The following LRP1B variants were observed in gnomAD, a reference collection of about 807,000 sequenced individuals.
LRP1B encodes LDL receptor related protein 1B, also known as low-density lipoprotein receptor-related protein 1B.
LRP1B carries 217 observed loss-of-function variants against 556.6 expected under a neutral mutation model. That is an observed-to-expected ratio of 0.39 (90% confidence interval 0.35 to 0.44). The LOEUF is 0.44. LRP1B is among the 20% of genes least tolerant of loss of function. The pLI is 1.00. For synonymous variants in LRP1B, 2,047 were observed against 1,865.8 expected (o/e 1.10, Z -2.50); for missense variants, 5,053 against 5,620.8 (o/e 0.90, Z 3.23).
At position 140,373,335 on chromosome 2, in the gene LRP1B, A is replaced by G. The variant is rs79244092; in HGVS notation, c.10639-198T>C. On this transcript the variant is annotated intron_variant, in intron 68 of 90. Coordinates refer to ENST00000389484, the MANE Select transcript of LRP1B (RefSeq NM_018557.3). ...AAATGTTTACAAACCGAAAGACTAG[A>G]CAACTTATGCATAGAAACCCAGAAG... Among the ~76,000 whole-genome samples the G allele has an allele frequency of 3.1e-3, 471 of 152,304 alleles. 5 individuals are homozygous for G. Among genetic ancestry groups the G allele is most frequent in the Non-Finnish European group, 5.6e-3 (380 of 68,020 alleles).
intron 1 of LRP1B, among the ~76,000 whole-genome samples, chr2:142,097,575 A>G (rs1424075246): frequency 6.6e-6 from 1 of 151,620 alleles, no homozygotes; most frequent in Non-Finnish European, 1.5e-5. Context: ...TGTACAGCTA[A>G]ATAGATCTCC....
chr2:141,674,330 C>T (rs1376897130), intron 2 of LRP1B, among the ~76,000 whole-genome samples: 2 of 151,946 alleles, frequency 1.3e-5, no homozygotes, highest in Non-Finnish European at 2.9e-5. Context: ...TGCCTGTTGA[C>T]CAATACTGAT....
At chr2:140,642,716 C>T (rs1449250960) in intron 41 of LRP1B, among the ~76,000 whole-genome samples, 1 of 152,116 alleles carries the variant, frequency 6.6e-6, no homozygotes, top group Non-Finnish European at 1.5e-5. Flanking sequence ...TGGTGGCGGG[C>T]GCCTGTAGTC....
chr2:141,944,952 A>C (rs1700911324), intron 1 of LRP1B, among the ~76,000 whole-genome samples: 1 of 152,288 alleles, frequency 6.6e-6, no homozygotes, highest in South Asian at 2.1e-4. Flanking sequence ...TAAATCTTTG[A>C]AAAATATGTT....
At chr2:141,235,879 TGTA>T (rs1683632672) in intron 5 of LRP1B, among the ~76,000 whole-genome samples, 1 of 152,170 alleles carries the variant, frequency 6.6e-6, no homozygotes. Context: ...TATAGAGTTT[TGTA>T]GTAGCTGACA....
intron 1 of LRP1B, among the ~76,000 whole-genome samples, chr2:142,021,464 C>A (rs1703328949): frequency 6.6e-6 from 1 of 151,974 alleles, no homozygotes; most frequent in African/African-American, 2.4e-5. Flanking sequence ...ATTTTTCACA[C>A]TTGTTTTAGT....
rs148653480 is a variant in LRP1B at position 141,229,296 on chromosome 2, A to T, written c.737T>A (p.Met246Lys). 7.4e-6 allele frequency: 12 copies of T among 1,612,654 alleles called. No homozygotes were observed. The South Asian group carries it at 1.3e-4, about 18-fold the overall frequency. The change falls in exon 6 of 91, where the codon ATG (methionine) becomes AAG (lysine). Residue 246 changes from methionine (M) to lysine (K), a missense_variant. This residue lies in a region of LRP1B where 3,619 missense variants were observed against 3,931.9 expected (regional missense o/e 0.92). Transcript: ENST00000389484. ...TTCTCTTGATTCAATCCAACAAATC[A>T]TATCTTCATTATAAATAAAATCCAG... The part of the protein sequence containing the change: ...HTLDFIYNED[M>K]ICWIESRESS...
intron 32 of LRP1B, among the ~76,000 whole-genome samples, chr2:140,789,972 C>G (rs1255379589): frequency 6.6e-6 from 1 of 151,962 alleles, no homozygotes; most frequent in Non-Finnish European, 1.5e-5. Flanking sequence ...GTAAGCTCTT[C>G]CTTAGAAATT....
At chr2:140,239,016 A>G (rs571552969) in intron 88 of LRP1B, among the ~76,000 whole-genome samples, 10 of 151,048 alleles carry the variant, frequency 6.6e-5, no homozygotes, top group African/African-American at 1.9e-4. Context: ...CTAATGAGGT[A>G]TAAGTGAATC....
At chr2:141,438,655 A>C (rs1196663636) in intron 3 of LRP1B, among the ~76,000 whole-genome samples, 1 of 152,146 alleles carries the variant, frequency 6.6e-6, no homozygotes, top group Non-Finnish European at 1.5e-5. Context: ...ACAAGGGTAC[A>C]CCTATAATAA....
At chr2:141,330,119 A>G (rs1687588073) in intron 3 of LRP1B, among the ~76,000 whole-genome samples, 1 of 152,248 alleles carries the variant, frequency 6.6e-6, no homozygotes, top group African/African-American at 2.4e-5. Flanking sequence ...TAAAACATCC[A>G]TAAATATTTG....
chr2:141,081,542 T>A (rs1699922710), intron 7 of LRP1B, among the ~76,000 whole-genome samples: 1 of 152,176 alleles, frequency 6.6e-6, no homozygotes, highest in Non-Finnish European at 1.5e-5. Flanking sequence ...GCAATAAAGG[T>A]AATTTTATAT....
At chr2:141,184,588 T>G (rs1681157192) in intron 7 of LRP1B, among the ~76,000 whole-genome samples, 1 of 151,476 alleles carries the variant, frequency 6.6e-6, no homozygotes. Context: ...GCTATCCACT[T>G]CATCAAATGT....
chr2:141,959,484 G>C (rs1701346120), intron 1 of LRP1B, among the ~76,000 whole-genome samples: 2 of 151,824 alleles, frequency 1.3e-5, no homozygotes, highest in African/African-American at 4.8e-5. Context: ...AGAATTACTT[G>C]AAGATCTTTT....
At chr2:141,154,369 A>G (rs1272741975) in intron 7 of LRP1B, among the ~76,000 whole-genome samples, 2 of 151,992 alleles carry the variant, frequency 1.3e-5, no homozygotes, top group East Asian at 3.9e-4. Context: ...TTCTTATTTT[A>G]TTCATCCAAT....
At chr2:141,715,317 A>G (rs961044482) in intron 2 of LRP1B, among the ~76,000 whole-genome samples, 4 of 151,834 alleles carry the variant, frequency 2.6e-5, no homozygotes, top group Non-Finnish European at 5.9e-5. Context: ...ACAAAAGTCA[A>G]AAAATCAGCC....
intron 2 of LRP1B, among the ~76,000 whole-genome samples, chr2:141,737,359 G>T (rs1693516562): frequency 6.6e-6 from 1 of 152,026 alleles, no homozygotes; most frequent in Non-Finnish European, 1.5e-5. Context: ...CTCAGAAAAA[G>T]CAAACAAACA....
intron 35 of LRP1B, among the ~76,000 whole-genome samples, chr2:140,752,339 T>TTA (rs70988433): frequency 1.7e-5 from 2 of 119,114 alleles, no homozygotes; most frequent in East Asian, 2.3e-4. Flanking sequence ...TTTTTTTTTT[T>TTA]AATAGGCAGA....
chr2:142,029,303 A>T (rs1352949761), intron 1 of LRP1B, among the ~76,000 whole-genome samples: 2 of 151,910 alleles, frequency 1.3e-5, no homozygotes, highest in Non-Finnish European at 2.9e-5. Flanking sequence ...AGAATAATTT[A>T]AAAAATAATG....
Sources: allele counts gnomAD v4.1 joint callset (sites outside exome capture counted in the v4.1 genomes callset), GRCh38; gene constraint gnomAD v4.1.1; regional missense constraint gnomAD v4.1.1; transcripts MANE v1.5; gene names NCBI Gene and HGNC (gene_info 2026-07-23, HGNC 2026-07-21).